Variants in PRKAR2B observed in about 807,000 individuals in gnomAD.
PRKAR2B encodes the protein protein kinase cAMP-dependent type II regulatory subunit beta.
A neutral mutation model predicts 49.9 loss-of-function variants in PRKAR2B; 14 were observed. The observed-to-expected ratio is 0.28, with a 90% confidence interval of 0.19 to 0.44. The LOEUF (loss-of-function observed/expected upper bound fraction) is 0.44, where lower values mean the gene tolerates loss of function less well. PRKAR2B is among the 20% of genes least tolerant of loss of function. The pLI is 1.00. For synonymous variants in PRKAR2B, 196 were observed against 197.7 expected (o/e 0.99, Z 0.07); for missense variants, 393 against 537.9 (o/e 0.73, Z 2.67).
chr7:107,118,867 T>C (rs1055696767), intron 2 of PRKAR2B, among the ~76,000 whole-genome samples: 1 of 152,204 alleles, frequency 6.6e-6, no homozygotes, highest in Admixed American at 6.5e-5. Context: ...AAATACTTTA[T>C]TTTGATTTGG....
intron 2 of PRKAR2B, among the ~76,000 whole-genome samples, chr7:107,119,373 T>C (rs1302290570): frequency 1.3e-5 from 2 of 152,228 alleles, no homozygotes; most frequent in African/African-American, 4.8e-5. Context: ...TGCTCTGCTC[T>C]TGTTGTCCTT....
At chr7:107,154,538 T>G (rs1796045428) in intron 8 of PRKAR2B, among the ~76,000 whole-genome samples, 1 of 152,236 alleles carries the variant, frequency 6.6e-6, no homozygotes, top group Admixed American at 6.5e-5. Flanking sequence ...TACTTAGGGT[T>G]TATTAAGGAT....
At chr7:107,126,281 C>T (rs937185215) in intron 3 of PRKAR2B, among the ~76,000 whole-genome samples, 14 of 146,700 alleles carry the variant, frequency 9.5e-5, no homozygotes, top group Admixed American at 5.4e-4. Flanking sequence ...CAAAGCCAGG[C>T]GTGGTGGCAG....
intron 4 of PRKAR2B, among the ~76,000 whole-genome samples, chr7:107,136,461 A>G (rs1186127803): frequency 2.0e-5 from 3 of 152,232 alleles, no homozygotes; most frequent in Non-Finnish European, 4.4e-5. Context: ...AAAGAACTCA[A>G]CAGTAGTAAA....
chr7:107,140,813 CAT>C (rs1258750767), intron 4 of PRKAR2B, 32 bp from the exon 5 acceptor site: 6 of 1,470,768 alleles, frequency 4.1e-6, no homozygotes, highest in African/African-American at 1.4e-5. Context: ...TCTAGATAAA[CAT>C]AAAGATTATA....
intron 2 of PRKAR2B, among the ~76,000 whole-genome samples, chr7:107,100,787 C>T (rs964864246): frequency 9.3e-5 from 14 of 149,968 alleles, no homozygotes; most frequent in African/African-American, 3.2e-4. Context: ...ATGAGTTTTT[C>T]ATCTCAGTTA....
rs140393711 is a variant in PRKAR2B at position 107,071,348 on chromosome 7, C to T, written c.343+1032C>T. The stretch of plus-strand genomic sequence containing the variant: ...TGTCAGCAGTTACTGGTATAATTTA[C>T]TCTTGTTATGTAGTGACCAGGTCTA... On this transcript the variant is annotated intron_variant, in intron 2 of 10. Transcript: ENST00000265717. Among the ~76,000 whole-genome samples the T allele has an allele frequency of 1.4e-3, 220 of 152,214 alleles. 1 individual carries two copies. Among genetic ancestry groups the T allele is most frequent in the African/African-American group, 4.9e-3 (202 of 41,534 alleles).
intron 2 of PRKAR2B, among the ~76,000 whole-genome samples, chr7:107,106,123 A>G (rs1795068069): frequency 1.3e-5 from 2 of 152,166 alleles, no homozygotes; most frequent in African/African-American, 4.8e-5. Flanking sequence ...TGCCTCAACC[A>G]AACAGCCCTG....
At chr7:107,055,059 G>A (rs780406485) in intron 1 of PRKAR2B, among the ~76,000 whole-genome samples, 11 of 151,984 alleles carry the variant, frequency 7.2e-5, no homozygotes, top group Admixed American at 1.3e-4. Flanking sequence ...GAGAACATGC[G>A]GTGTTTGGTT....
intron 2 of PRKAR2B, among the ~76,000 whole-genome samples, chr7:107,094,351 G>GT (rs946916059): frequency 6.6e-6 from 1 of 152,104 alleles, no homozygotes; most frequent in Non-Finnish European, 1.5e-5. Context: ...TTTTGATGGG[G>GT]TTTTTTGATT....
intron 2 of PRKAR2B, among the ~76,000 whole-genome samples, chr7:107,071,366 C>T (rs1227223569): frequency 3.9e-5 from 6 of 151,964 alleles, no homozygotes; most frequent in Admixed American, 3.9e-4. Context: ...ATGTAGTGAC[C>T]AGGTCTATAA....
intron 1 of PRKAR2B, among the ~76,000 whole-genome samples, chr7:107,063,618 A>C (rs922851373): frequency 1.3e-5 from 2 of 152,180 alleles, no homozygotes; most frequent in African/African-American, 4.8e-5. Context: ...ATTTGAGCTG[A>C]GACTGGAATG....
intron 2 of PRKAR2B, among the ~76,000 whole-genome samples, chr7:107,118,663 G>A (rs983266200): frequency 2.0e-5 from 3 of 152,172 alleles, no homozygotes; most frequent in Non-Finnish European, 4.4e-5. Flanking sequence ...CAAAGGATGA[G>A]CACAGAAGTG....
chr7:107,090,606 A>G (rs934457108), intron 2 of PRKAR2B, among the ~76,000 whole-genome samples: 2 of 152,218 alleles, frequency 1.3e-5, no homozygotes, highest in East Asian at 1.9e-4. Context: ...TGCCAAAGGC[A>G]GTGTCTCTGT....
intron 4 of PRKAR2B, among the ~76,000 whole-genome samples, chr7:107,134,082 G>GTA: frequency 6.6e-6 from 1 of 152,244 alleles, no homozygotes; most frequent in South Asian, 2.1e-4. Context: ...AGGTTGGAGT[G>GTA]TAGTGGCACG....
chr7:107,121,064 A>G (rs1012669286), intron 2 of PRKAR2B, among the ~76,000 whole-genome samples: 3 of 151,490 alleles, frequency 2.0e-5, no homozygotes, highest in African/African-American at 7.3e-5. Context: ...TAAATTGACA[A>G]AGATTTTAAG....
chr7:107,132,221 C>A (rs1795615447), intron 4 of PRKAR2B, among the ~76,000 whole-genome samples: 1 of 152,162 alleles, frequency 6.6e-6, no homozygotes. Context: ...CCTAAAGTGG[C>A]AACCATCCAG....
At chr7:107,120,311 G>A (rs1370388991) in intron 2 of PRKAR2B, among the ~76,000 whole-genome samples, 1 of 152,122 alleles carries the variant, frequency 6.6e-6, no homozygotes. Context: ...CAATTAAAAT[G>A]TCACAGAGGT....
intron 2 of PRKAR2B, among the ~76,000 whole-genome samples, chr7:107,100,087 T>C (rs1485767670): frequency 6.6e-6 from 1 of 152,134 alleles, no homozygotes; most frequent in Non-Finnish European, 1.5e-5. Flanking sequence ...ATTTACCTTT[T>C]CTGGTGCTCT....
Sources: gnomAD v4.1 joint callset for allele counts (sites outside exome capture counted in the v4.1 genomes callset) on GRCh38, gnomAD v4.1.1 for gene constraint, MANE v1.5 for transcripts, NCBI Gene and HGNC (gene_info 2026-07-23, HGNC 2026-07-21) for gene names.